Variants in NELL1 observed in about 807,000 individuals in gnomAD.
NELL1 encodes protein kinase C-binding protein NELL1.
NELL1 carries 76 observed loss-of-function variants against 107.4 expected under a neutral mutation model. The observed-to-expected ratio is 0.71, with a 90% CI of 0.59 to 0.86. The LOEUF (loss-of-function observed/expected upper bound fraction) is 0.86, where lower values mean the gene tolerates loss of function less well. Ranked by LOEUF, NELL1 falls within the 40% of genes least tolerant of loss-of-function variation. The pLI is 0.00. For missense variants in NELL1, 1,024 were observed against 1,005.5 expected (o/e 1.02, Z -0.25); for synonymous variants, 353 against 341.2 (o/e 1.03, Z -0.38).
At chr11:21,176,191 G>T (rs547412178) in intron 13 of NELL1, among the ~76,000 whole-genome samples, 19 of 151,866 alleles carry the variant, frequency 1.3e-4, no homozygotes, top group Non-Finnish European at 2.6e-4. Flanking sequence ...CTTCCTAAGT[G>T]GAGATGTCAT....
chr11:21,507,198 G>A (rs1855301684), intron 15 of NELL1, among the ~76,000 whole-genome samples: 1 of 152,154 alleles, frequency 6.6e-6, no homozygotes, highest in South Asian at 2.1e-4. Context: ...CATACTTTGT[G>A]TTTCACAGTT....
chr11:21,392,331 C>T (rs1455212911), intron 15 of NELL1, among the ~76,000 whole-genome samples: 1 of 151,792 alleles, frequency 6.6e-6, no homozygotes, highest in Non-Finnish European at 1.5e-5. Context: ...CTTGATGCCA[C>T]CAATTACTGA....
intron 2 of NELL1, among the ~76,000 whole-genome samples, chr11:20,731,797 G>A (rs1333015651): frequency 2.0e-5 from 3 of 152,158 alleles, no homozygotes; most frequent in Non-Finnish European, 2.9e-5. Context: ...GCATATGTCC[G>A]GGATTAGCAA....
At chr11:20,929,721 C>G (rs1214146110) in intron 9 of NELL1, among the ~76,000 whole-genome samples, 1 of 152,076 alleles carries the variant, frequency 6.6e-6, no homozygotes, top group Non-Finnish European at 1.5e-5. Flanking sequence ...CTTCTAATCC[C>G]AGCACTTTGG....
intron 15 of NELL1, among the ~76,000 whole-genome samples, chr11:21,525,788 A>G (rs1480051184): frequency 6.6e-6 from 1 of 152,190 alleles, no homozygotes; most frequent in Non-Finnish European, 1.5e-5. Context: ...AAAAACCATC[A>G]GATCTCATGA....
intron 14 of NELL1, among the ~76,000 whole-genome samples, chr11:21,322,851 T>C (rs1850044379): frequency 6.6e-6 from 1 of 152,186 alleles, no homozygotes; most frequent in South Asian, 2.1e-4. Flanking sequence ...TGTTCATTCC[T>C]CCCTCTTTGA....
At chr11:20,711,097 T>C (rs570986733) in intron 2 of NELL1, among the ~76,000 whole-genome samples, 59 of 152,258 alleles carry the variant, frequency 3.9e-4, no homozygotes, top group African/African-American at 1.4e-3. Context: ...GTTTCTCTAG[T>C]TCCCTGGGGT....
intron 12 of NELL1, among the ~76,000 whole-genome samples, chr11:21,001,525 C>G (rs1473310251): frequency 6.6e-6 from 1 of 151,298 alleles, no homozygotes; most frequent in Non-Finnish European, 1.5e-5. Context: ...TCTGCACCCC[C>G]ACTGGAGTTA....
At chr11:21,476,456 C>A (rs1325764150) in intron 15 of NELL1, among the ~76,000 whole-genome samples, 1 of 152,128 alleles carries the variant, frequency 6.6e-6, no homozygotes, top group Non-Finnish European at 1.5e-5. Context: ...AATGTCACTT[C>A]TCTAAAAGAT....
intron 3 of NELL1, among the ~76,000 whole-genome samples, chr11:20,818,780 A>G (rs1857683683): frequency 6.6e-6 from 1 of 152,196 alleles, no homozygotes. Context: ...GAAGAGTTAT[A>G]AGATTAAATA....
intron 14 of NELL1, among the ~76,000 whole-genome samples, chr11:21,277,761 A>C (rs1040911030): frequency 3.3e-5 from 5 of 152,222 alleles, no homozygotes; most frequent in Non-Finnish European, 5.9e-5. Context: ...GACGTGGATG[A>C]AGCTGGAAAC....
intron 17 of NELL1, among the ~76,000 whole-genome samples, chr11:21,568,274 G>T (rs1203489222): frequency 1.3e-5 from 2 of 151,592 alleles, no homozygotes; most frequent in African/African-American, 4.8e-5. Flanking sequence ...ACATATAAAA[G>T]ACAAAAAATG....
chr11:21,473,602 A>C (rs1003561041), intron 15 of NELL1, among the ~76,000 whole-genome samples: 1 of 152,110 alleles, frequency 6.6e-6, no homozygotes, highest in Non-Finnish European at 1.5e-5. Flanking sequence ...CCCTCAGAAC[A>C]GAGATAACTG....
At chr11:21,507,425 A>C (rs1342476243) in intron 15 of NELL1, among the ~76,000 whole-genome samples, 1 of 152,222 alleles carries the variant, frequency 6.6e-6, no homozygotes, top group African/African-American at 2.4e-5. Context: ...ATGGAAAACA[A>C]TCTTTCATTT....
At chr11:20,813,559 A>G (rs1390670043) in intron 3 of NELL1, among the ~76,000 whole-genome samples, 1 of 152,220 alleles carries the variant, frequency 6.6e-6, no homozygotes, top group East Asian at 1.9e-4. Flanking sequence ...GGAATATGGA[A>G]TAATTTATCT....
chr11:21,445,286 T>G (rs977097276), intron 15 of NELL1, among the ~76,000 whole-genome samples: 2 of 151,864 alleles, frequency 1.3e-5, no homozygotes, highest in Non-Finnish European at 2.9e-5. Context: ...TTTTTGTTTG[T>G]TTTGTTTTGT....
chr11:20,961,534 T>C lies in NELL1; in HGVS notation c.1300+974T>C, dbSNP rs550243688. On this transcript the variant is annotated intron_variant, in intron 12 of 19. Transcript: ENST00000357134. ...GTCACTTTCCTCTAAGTGGTCTGGC[T>C]CTCAGATAGGTCAGGTATTCTAAAG... Among the ~76,000 whole-genome samples the C allele has an allele frequency of 2.6e-5, 4 of 152,328 alleles. No homozygotes were observed. The East Asian group carries it at 7.7e-4, about 29-fold the overall frequency.
At chr11:21,557,385 A>T (rs980407798) in intron 16 of NELL1, among the ~76,000 whole-genome samples, 1 of 152,046 alleles carries the variant, frequency 6.6e-6, no homozygotes, top group Admixed American at 6.6e-5. Flanking sequence ...CACTACCAAT[A>T]TATTTGCAAC....
At chr11:21,047,838 G>A (rs766558035) in intron 12 of NELL1, among the ~76,000 whole-genome samples, 4 of 152,146 alleles carry the variant, frequency 2.6e-5, no homozygotes, top group Non-Finnish European at 5.9e-5. Flanking sequence ...TCTAAAAGGT[G>A]TACAGCAGCT....
Sources: gnomAD v4.1 joint callset for allele counts (sites outside exome capture counted in the v4.1 genomes callset) on GRCh38, gnomAD v4.1.1 for gene constraint, MANE v1.5 for transcripts, NCBI Gene and HGNC (gene_info 2026-07-23, HGNC 2026-07-21) for gene names.